Variants in DTX1 observed in about 807,000 individuals in gnomAD.
DTX1 encodes the protein deltex E3 ubiquitin ligase 1, also known as E3 ubiquitin-protein ligase DTX1.
In DTX1, 26 loss-of-function variants were observed where a neutral mutation model predicts 57.8. The ratio of observed to expected loss-of-function variants is 0.45; its 90% CI spans 0.33 to 0.62. The LOEUF (loss-of-function observed/expected upper bound fraction) is 0.62, where lower values mean the gene tolerates loss of function less well. Ranked by LOEUF, DTX1 falls within the 20% of genes least tolerant of loss-of-function variation. The pLI, the probability that DTX1 is intolerant of heterozygous loss-of-function variation, is 0.02. For synonymous variants in DTX1, 398 were observed against 394.1 expected (o/e 1.01, Z -0.12); for missense variants, 704 against 895.3 (o/e 0.79, Z 2.73).
intron 2 of DTX1, among the ~76,000 whole-genome samples, chr12:113,072,960 G>A (rs777863594): frequency 6.6e-6 from 1 of 152,054 alleles, no homozygotes; most frequent in Non-Finnish European, 1.5e-5. Flanking sequence ...ACCCGCCTCA[G>A]CTTCCCAAAG....
intron 2 of DTX1, among the ~76,000 whole-genome samples, chr12:113,072,172 G>A (rs546638615): frequency 1.9e-4 from 29 of 152,286 alleles, no homozygotes; most frequent in African/African-American, 6.7e-4. Context: ...ACTCCTCCAA[G>A]TGCCAAGTAG....
chr12:113,083,952 G>A (rs1261516213), intron 3 of DTX1, among the ~76,000 whole-genome samples: 1 of 152,178 alleles, frequency 6.6e-6, no homozygotes, highest in Non-Finnish European at 1.5e-5. Context: ...CCTCTCACAT[G>A]GGCAGACTCA....
At position 113,080,343 on chromosome 12, in the gene DTX1, G is replaced by A. The variant is rs145613119; in HGVS notation, c.941+2238G>A. 6.1e-4 allele frequency among the ~76,000 whole-genome samples: 93 copies of A among 152,286 alleles called. 1 individual carries two copies. The East Asian group carries it at 9.5e-3, about 16-fold the overall frequency. On this transcript the variant is annotated intron_variant, in intron 3 of 9. Coordinates refer to ENST00000548759, the MANE Select transcript of DTX1 (RefSeq NM_004416.3). ...ATGGCCCCTTATAGACAGCAGCTGG[G>A]CTCTGGCTGCCTTACAAAAAGAGGG...
chr12:113,062,032 TACACACACACACACAC>T (rs35422556), intron 2 of DTX1, among the ~76,000 whole-genome samples: 4 of 142,498 alleles, frequency 2.8e-5, no homozygotes, highest in Admixed American at 7.0e-5. Context: ...TTATATTTCA[TACACACACACACACAC>T]ACACACACAC....
chr12:113,095,757 C>T (rs1243657015), intron 9 of DTX1: 2 of 295,620 alleles, frequency 6.8e-6, no homozygotes, highest in Non-Finnish European at 1.3e-5. Context: ...TCTGATTTGA[C>T]TTTCTGCTTT....
chr12:113,064,422 C>CTGGGCT (rs2044690171), intron 2 of DTX1, among the ~76,000 whole-genome samples: 1 of 152,174 alleles, frequency 6.6e-6, no homozygotes, highest in Non-Finnish European at 1.5e-5. Flanking sequence ...TTCTCAGTAC[C>CTGGGCT]AGGTCCTGGG....
Position 113,095,176 on chromosome 12 carries a change from C to T in DTX1, c.1521C>T (p.Ile507=), listed in dbSNP as rs777051186. 8.1e-6 allele frequency: 13 copies of T among 1,607,252 alleles called. No homozygotes were observed. In the East Asian group the frequency reaches 1.3e-4, roughly 17 times the overall value. Residue 507 remains isoleucine, a synonymous_variant, in exon 8 of 10, where the codon ATC becomes ATT. Transcript: ENST00000548759. ...TCCCTGATACCCAGACCATCCGCAT[C>T]GTCTATGACATCCCCACAGGCATCC... ...PGFPDTQTIR[I]VYDIPTGIQG...
At chr12:113,076,031 G>A (rs536243525) in intron 2 of DTX1, among the ~76,000 whole-genome samples, 24 of 151,930 alleles carry the variant, frequency 1.6e-4, no homozygotes, top group African/African-American at 3.1e-4. Context: ...AAAATGGAGC[G>A]GGGAAGGAGA....
In DTX1 at chr12:113,095,086, G is replaced by A; in HGVS notation, c.1431G>A (p.Glu477=). Residue 477 remains glutamate (E), a synonymous_variant, in exon 8 of 10, where the codon GAG becomes GAA. Transcript: ENST00000548759. ...QCPTCKAIYG[E]KTGTQPPGKM... ...CCACCTGCAAGGCCATCTACGGGGA[G>A]AAGACGGGTACGCAGCCGCCTGGGA... The A allele has an allele frequency of 6.2e-7, 1 of 1,613,784 alleles. No homozygotes were observed. Among genetic ancestry groups the A allele is most frequent in the Non-Finnish European group, 8.5e-7 (1 of 1,179,734 alleles).
At chr12:113,095,505 A>G (rs1950283053) in intron 9 of DTX1, 91 bp downstream of exon 9, 4 of 1,505,392 alleles carry the variant, frequency 2.7e-6, no homozygotes, top group African/African-American at 2.7e-5. Context: ...ATCATTCCCA[A>G]TCCCTGCTCT....
At chr12:113,083,550 T>A (rs1351375945) in intron 3 of DTX1, among the ~76,000 whole-genome samples, 2 of 152,226 alleles carry the variant, frequency 1.3e-5, no homozygotes, top group Admixed American at 1.3e-4. Context: ...GGTCTCGAAC[T>A]CCTGACCTCA....
intron 3 of DTX1, among the ~76,000 whole-genome samples, chr12:113,086,615 T>C (rs904327012): frequency 6.6e-6 from 1 of 152,196 alleles, no homozygotes; most frequent in African/African-American, 2.4e-5. Context: ...AGGGACTTTG[T>C]TGTGGTGGGT....
chr12:113,058,034 CG>C lies in DTX1; in HGVS notation c.-157del. 8.2e-7 allele frequency: 1 copy of C among 1,216,984 alleles called. No individual in the cohort carries two copies. The highest frequency in any genetic ancestry group is 1.5e-5 in the African/African-American group (1 of 65,430). 75.4% of individuals were successfully genotyped at this position (1,216,984 alleles called of 1,614,324 possible). A position where few individuals can be genotyped will look rare whatever the true frequency, so the allele number is the denominator to read the frequency against. On this transcript the variant is annotated 5_prime_UTR_variant, in exon 2 of 10. The change abolishes the stop of an existing upstream ORF in the 5' untranslated region. Transcript: ENST00000548759. ...GGATGGCCATCCCACATTCCTTTAA[CG>C]GAGGTCTCTAGGCCTCAGAGAGAAC...
intron 3 of DTX1, among the ~76,000 whole-genome samples, chr12:113,085,867 T>C (rs566113002): frequency 2.6e-5 from 4 of 152,234 alleles, no homozygotes; most frequent in African/African-American, 9.6e-5. Context: ...AAGTAGTAAC[T>C]GCTACAGAGG....
Position 113,057,813 on chromosome 12 carries a change from G to A in DTX1, c.-380G>A. On this transcript the variant is annotated 5_prime_UTR_variant, in exon 2 of 10. Transcript: ENST00000548759. ...CCTCCTGGGTGACAGGCCCTGTCTG[G>A]CGGGGAAGAGGGACCAAGAGACAAC... 1 of 208,492 alleles carries A rather than the reference G, an allele frequency of 4.8e-6. No homozygotes were observed. Among genetic ancestry groups the A allele is most frequent in the Non-Finnish European group, 9.7e-6 (1 of 103,144 alleles). 12.9% of individuals were successfully genotyped at this position (208,492 alleles called of 1,614,324 possible). A position where few individuals can be genotyped will look rare whatever the true frequency, so the allele number is the denominator to read the frequency against.
chr12:113,069,806 T>C (rs2044727595), intron 2 of DTX1, among the ~76,000 whole-genome samples: 1 of 152,198 alleles, frequency 6.6e-6, no homozygotes, highest in Non-Finnish European at 1.5e-5. Flanking sequence ...GCACAGTTGC[T>C]GGCACTGCGG....
chr12:113,072,080 C>T (rs1258237319), intron 2 of DTX1, among the ~76,000 whole-genome samples: 1 of 152,158 alleles, frequency 6.6e-6, no homozygotes, highest in Non-Finnish European at 1.5e-5. Context: ...AGGGACCCCT[C>T]GAAGCTTGGC....
At chr12:113,072,149 T>A (rs1255048892) in intron 2 of DTX1, among the ~76,000 whole-genome samples, 3 of 152,180 alleles carry the variant, frequency 2.0e-5, no homozygotes, top group Non-Finnish European at 4.4e-5. Context: ...AAGCCCAGAT[T>A]TTCCTCTTTC....
chr12:113,057,068 A>C (rs1282074740), intron 1 of DTX1, 124 bp downstream of exon 1: 1 of 152,096 alleles, frequency 6.6e-6, no homozygotes, highest in African/African-American at 2.4e-5. Context: ...GAGACGATCC[A>C]GCTCCTGGCT....
Sources: gnomAD v4.1 joint callset for allele counts (sites outside exome capture counted in the v4.1 genomes callset) on GRCh38, gnomAD v4.1.1 for gene constraint, MANE v1.5 for transcripts, NCBI Gene and HGNC (gene_info 2026-07-23, HGNC 2026-07-21) for gene names.